The following FEZ2 variants were observed in gnomAD, a reference collection of about 807,000 sequenced individuals.
FEZ2 encodes fasciculation and elongation protein zeta-2.
FEZ2 carries 51 observed loss-of-function variants against 40.4 expected under a neutral mutation model. The ratio of observed to expected loss-of-function variants is 1.26; its 90% CI spans 1.01 to 1.59. FEZ2 has a LOEUF of 1.59. Among genes scored for constraint, FEZ2 ranks in the 40% most tolerant of loss-of-function variants. The probability of loss-of-function intolerance (pLI) is 0.00; values close to 1 mark genes in which losing one functional copy is unlikely to be tolerated. For missense variants in FEZ2, 640 were observed against 438.3 expected, an observed-to-expected ratio of 1.46 and a Z score of -4.11; for synonymous variants, 242 against 172.0, an observed-to-expected ratio of 1.41 and a Z score of -3.18.
At chr2:36,558,353 A>G in intron 6 of FEZ2, 85 bp downstream of exon 6, 2 of 784,254 alleles carry the variant, frequency 2.6e-6, no homozygotes, top group South Asian at 2.3e-5. Context: ...ACAAAACACT[A>G]ACAACAAAAT....
At chr2:36,555,803 A>G in intron 6 of FEZ2, 55 bp from the exon 7 acceptor site, 1 of 998,226 alleles carries the variant, frequency 1.0e-6, no homozygotes, top group Non-Finnish European at 1.5e-6. Flanking sequence ...GATCAAAAAT[A>G]TTATTTAATT....
intron 7 of FEZ2, among the ~76,000 whole-genome samples, chr2:36,554,615 A>T (rs1346017940): frequency 6.6e-6 from 1 of 152,128 alleles, no homozygotes. Context: ...AAAAAAGCTT[A>T]TTTTTTAAAA....
chr2:36,583,327 TGCG>T, intron 3 of FEZ2, 23 bp downstream of exon 3: 1 of 1,206,328 alleles, frequency 8.3e-7, no homozygotes. Context: ...CTCCTTTCCT[TGCG>T]TTGCTGAGGA....
In FEZ2 at chr2:36,583,383, A is replaced by G. The variant is rs1668808974; in HGVS notation, c.462T>C (p.Val154=). Residue 154 remains valine (V), a synonymous_variant, in exon 3 of 8, where the codon GTT becomes GTC. Transcript: ENST00000405912. ...CTGCCGTGAAGAGGGGTTCATCATT[A>G]ACACAGGAGACGATGATTGAGTGCA... ...LDMHSIIVSC[V]NDEPLFTADQ... 6.3e-7 allele frequency: 1 copy of G among 1,598,778 alleles called. No homozygotes were observed. The highest frequency in any genetic ancestry group is 8.6e-7 in the Non-Finnish European group (1 of 1,166,034).
intron 3 of FEZ2, among the ~76,000 whole-genome samples, chr2:36,581,974 C>T (rs992740362): frequency 8.6e-5 from 13 of 151,434 alleles, no homozygotes; most frequent in African/African-American, 2.4e-4. Flanking sequence ...ATTAATTCAA[C>T]GAAAAAAAGG....
chr2:36,590,158 G>A (rs1381065379), intron 2 of FEZ2: 1 of 152,204 alleles, frequency 6.6e-6, no homozygotes, highest in Non-Finnish European at 1.5e-5. Context: ...AGAAAGGTAA[G>A]TTAGCCAAGA....
At position 36,578,820 on chromosome 2, in the gene FEZ2, T is replaced by G. The variant is rs1469812364; in HGVS notation, c.680A>C (p.Glu227Ala). The change falls in exon 5 of 8, where the codon GAA (glutamate) becomes GCA (alanine). Residue 227 changes from glutamate to alanine, a missense_variant. Physicochemically the swap from Glu to Ala is moderately radical, Grantham distance 107. Coordinates refer to ENST00000405912, the MANE Select transcript of FEZ2 (RefSeq NM_005102.3). ...GTACTCCTTAATGGCAGTCTCAATT[T>G]CTTCCAGGATTTCATTTAACTCAGA... Reference protein sequence around the residue: ...SVSELNEILEEIETAIKEYSE... With the variant: ...SVSELNEILEAIETAIKEYSE... 1 of 1,613,318 alleles carries G rather than the reference T, an allele frequency of 6.2e-7. No individual in the cohort carries two copies.
rs558705498 is a variant in FEZ2, at chr2:36,568,504, A to C, written c.904-9991T>G. On this transcript the variant is annotated intron_variant, in intron 5 of 7. Transcript: ENST00000405912. ...TAAAGAATCCAAGTGTTCAAATTCA[A>C]AGTGAAGAACTGGTGAAAATTCTGA... Among the ~76,000 whole-genome samples the C allele has an allele frequency of 4.6e-5, 7 of 152,334 alleles. No individual in the cohort carries two copies. In the South Asian group the frequency reaches 1.5e-3, roughly 32 times the overall value.
At chr2:36,577,381 C>A (rs1668604403) in intron 5 of FEZ2, among the ~76,000 whole-genome samples, 1 of 152,036 alleles carries the variant, frequency 6.6e-6, no homozygotes, top group African/African-American at 2.4e-5. Flanking sequence ...CCTCAGCCTC[C>A]AGAGTAGCTG....
intron 2 of FEZ2, chr2:36,589,782 T>G (rs1401352079): frequency 6.6e-6 from 1 of 152,242 alleles, no homozygotes; most frequent in Non-Finnish European, 1.5e-5. Context: ...AGTAGGCTTT[T>G]CTGATCACAT....
chr2:36,594,488 GA>G, intron 1 of FEZ2: 1 of 196,990 alleles, frequency 5.1e-6, no homozygotes, highest in Non-Finnish European at 1.0e-5. Flanking sequence ...GGCAGCAAGG[GA>G]AAATGAGGAA....
At chr2:36,558,189 C>T in intron 6 of FEZ2, 1 of 287,798 alleles carries the variant, frequency 3.5e-6, no homozygotes, top group Non-Finnish European at 6.4e-6. Flanking sequence ...ATGCTTTTTC[C>T]CAAAATTTTA....
chr2:36,574,721 T>C (rs767992705), intron 5 of FEZ2, among the ~76,000 whole-genome samples: 8 of 151,358 alleles, frequency 5.3e-5, no homozygotes, highest in Non-Finnish European at 1.2e-4. Context: ...GCATTGAATA[T>C]AAAGAAGTGT....
rs564557666 is a variant in FEZ2, at chr2:36,597,928, G to C, written c.215C>G (p.Pro72Arg). Residue 72 changes from proline to arginine, a missense_variant, in exon 1 of 8, where the codon CCG becomes CGG. Transcript: ENST00000405912. ...FRPSDPGAEP[P>R]RTAVRPITER... ...CGTGATGGGCCGCACGGCCGTCCTC[G>C]GGGGCTCGGCGCCCGGATCCGAGGG... 866 of 1,436,032 alleles carry C rather than the reference G, an allele frequency of 6.0e-4. 15 individuals are homozygous for C. In the South Asian group the frequency reaches 0.01, roughly 17 times the overall value. 89.0% of individuals were successfully genotyped at this position (1,436,032 alleles called of 1,614,324 possible). A position where few individuals can be genotyped will look rare whatever the true frequency, so the allele number is the denominator to read the frequency against.
intron 1 of FEZ2, among the ~76,000 whole-genome samples, chr2:36,595,343 T>A (rs995343064): frequency 1.3e-5 from 2 of 152,012 alleles, no homozygotes; most frequent in African/African-American, 4.8e-5. Context: ...TAGATGGTCC[T>A]ATCTGGGGGA....
At chr2:36,555,657 C>G (rs1464059509) in intron 7 of FEZ2, 26 bp downstream of exon 7, 1 of 1,417,380 alleles carries the variant, frequency 7.1e-7, no homozygotes. Context: ...TCCCAGCCAT[C>G]GCACCTATAC....
intron 1 of FEZ2, among the ~76,000 whole-genome samples, chr2:36,596,178 G>A (rs895168296): frequency 2.0e-5 from 3 of 152,124 alleles, no homozygotes; most frequent in Admixed American, 1.3e-4. Context: ...CTCTACACCT[G>A]GGCAGAACAC....
intron 3 of FEZ2, 53 bp from the exon 4 acceptor site, chr2:36,581,484 T>C: frequency 6.5e-7 from 1 of 1,549,380 alleles, no homozygotes; most frequent in Non-Finnish European, 8.9e-7. Context: ...GAAAATGATC[T>C]ATCTGGAACA....
chr2:36,558,650 T>A, intron 5 of FEZ2, 137 bp from the exon 6 acceptor site: 3 of 484,584 alleles, frequency 6.2e-6, no homozygotes, highest in Non-Finnish European at 1.1e-5. Context: ...AGGTATTGTA[T>A]GGGAATAAAG....
Sources: gnomAD v4.1 joint callset for allele counts (sites outside exome capture counted in the v4.1 genomes callset) on GRCh38, gnomAD v4.1.1 for gene constraint, MANE v1.5 for transcripts, NCBI Gene and HGNC (gene_info 2026-07-23, HGNC 2026-07-21) for gene names.